RANBP17: variants seen among roughly 807,000 people sequenced by gnomAD.
RANBP17 encodes ran-binding protein 17.
In RANBP17, 158 loss-of-function variants were observed where a neutral mutation model predicts 141.2. That is an observed-to-expected ratio of 1.12 (90% CI 0.98 to 1.28). The LOEUF is 1.28. Among genes scored for constraint, RANBP17 ranks in the 50% most tolerant of loss-of-function variants. RANBP17 has a pLI of 0.00. For synonymous variants in RANBP17, 430 were observed against 450.0 expected (o/e 0.96, Z 0.56); for missense variants, 1,438 against 1,290.7 (o/e 1.11, Z -1.75).
At chr5:171,011,470 A>G (rs1780028844) in intron 14 of RANBP17, among the ~76,000 whole-genome samples, 1 of 151,890 alleles carries the variant, frequency 6.6e-6, no homozygotes, top group African/African-American at 2.4e-5. Flanking sequence ...CATGATAATT[A>G]TGGAAAATTA....
chr5:171,192,629 C>T (rs957468236), intron 18 of RANBP17, among the ~76,000 whole-genome samples: 43 of 152,090 alleles, frequency 2.8e-4, no homozygotes, highest in Non-Finnish European at 5.9e-4. Context: ...ATAAAAAGGC[C>T]TAGAGCAATT....
intron 14 of RANBP17, among the ~76,000 whole-genome samples, chr5:170,985,668 A>C (rs1378893927): frequency 6.6e-6 from 1 of 152,182 alleles, no homozygotes; most frequent in Non-Finnish European, 1.5e-5. Flanking sequence ...CTTTCTTTCC[A>C]GTACCTTTCA....
intron 19 of RANBP17, 128 bp downstream of exon 19, chr5:171,199,901 TTTAA>T: frequency 2.1e-6 from 1 of 486,958 alleles, no homozygotes; most frequent in Non-Finnish European, 3.7e-6. Context: ...ATTGCATGTC[TTTAA>T]TTTTTACTTT....
rs527936070 is a variant in RANBP17, at chr5:171,148,152, G to A, written c.1711-21978G>A. ...ACTCAGGGTTAAATGGATTAAGGGC[G>A]GTGCAAGATGTGCTTTGTTAAACAG... On this transcript the variant is annotated intron_variant, in intron 14 of 27. Coordinates refer to ENST00000523189, the MANE Select transcript of RANBP17 (RefSeq NM_022897.5). Among the ~76,000 whole-genome samples the A allele has an allele frequency of 3.3e-5, 5 of 152,056 alleles. No individual in the cohort carries two copies. The South Asian group carries it at 6.2e-4, about 19-fold the overall frequency.
In RANBP17 at chr5:170,980,766, C is replaced by A. The variant is rs1049824986; in HGVS notation, c.1710+12389C>A. On this transcript the variant is annotated intron_variant, in intron 14 of 27. Transcript: ENST00000523189. ...ATGGAGAACCTCTGCTAAGGCAGTG[C>A]GGAAGGGAAATGTGGGGTTGGAGCC... 2.0e-5 allele frequency among the ~76,000 whole-genome samples: 3 copies of A among 152,168 alleles called. No homozygotes were observed. The South Asian group carries it at 6.2e-4, about 31-fold the overall frequency.
At chr5:170,896,239 G>GT (rs1398484994) in intron 5 of RANBP17, 124 bp downstream of exon 5, 1 of 643,008 alleles carries the variant, frequency 1.6e-6, no homozygotes, top group African/African-American at 1.9e-5. Context: ...GAATAATCAA[G>GT]TTTTTTGTGT....
intron 14 of RANBP17, among the ~76,000 whole-genome samples, chr5:171,105,985 G>A (rs114388629): frequency 4.7e-4 from 71 of 152,288 alleles, no homozygotes; most frequent in African/African-American, 1.6e-3. Flanking sequence ...GGGGTAAATT[G>A]TTCTACACAT....
intron 12 of RANBP17, among the ~76,000 whole-genome samples, chr5:170,951,533 A>G (rs985213436): frequency 4.6e-5 from 7 of 152,160 alleles, no homozygotes; most frequent in Non-Finnish European, 2.9e-5. Context: ...TGAATTGCCC[A>G]GAATGGGAAA....
intron 18 of RANBP17, among the ~76,000 whole-genome samples, chr5:171,192,770 T>G (rs1019522641): frequency 6.6e-6 from 1 of 152,196 alleles, no homozygotes; most frequent in African/African-American, 2.4e-5. Flanking sequence ...CTACTCTGCC[T>G]TCAATATTTA....
At chr5:170,880,210 T>C (rs1768542066) in intron 2 of RANBP17, among the ~76,000 whole-genome samples, 1 of 152,224 alleles carries the variant, frequency 6.6e-6, no homozygotes, top group Admixed American at 6.5e-5. Flanking sequence ...CACTCAGCAT[T>C]GACTTCTAGA....
chr5:171,234,700 TAGAA>T (rs1412804937), intron 22 of RANBP17, among the ~76,000 whole-genome samples: 1 of 152,118 alleles, frequency 6.6e-6, no homozygotes, highest in East Asian at 1.9e-4. Flanking sequence ...CACAAGCAAC[TAGAA>T]AGAAGTAGTT....
At chr5:171,155,296 A>T (rs1581752867) in intron 14 of RANBP17, among the ~76,000 whole-genome samples, 1 of 151,738 alleles carries the variant, frequency 6.6e-6, no homozygotes, top group Non-Finnish European at 1.5e-5. Context: ...ATAAAATTTT[A>T]TGAATGAGAT....
rs750957944 is a variant in RANBP17, at chr5:170,968,240, A to AG, written c.1575-1dup. 1 of 1,550,190 alleles carries AG rather than the reference A, an allele frequency of 6.5e-7. No individual in the cohort carries two copies. The highest frequency in any genetic ancestry group is 2.4e-5 in the Admixed American group (1 of 41,994). On this transcript the variant is annotated splice_acceptor_variant, in intron 13 of 27. Coordinates refer to ENST00000523189, the MANE Select transcript of RANBP17 (RefSeq NM_022897.5). LOFTEE classifies it high-confidence loss of function. ...TTTTTTTTTTATTTTCCCTTCATGA[A>AG]GAGTTTTTCAGCTTATATCTTTAAT...
At chr5:171,161,342 TG>T (rs1759338909) in intron 14 of RANBP17, 1 of 184,554 alleles carries the variant, frequency 5.4e-6, no homozygotes, top group Non-Finnish European at 1.2e-5. Context: ...TATTTGAGAT[TG>T]GGGAGGCCTT....
At chr5:170,895,948 T>C in intron 4 of RANBP17, 102 bp from the exon 5 acceptor site, 1 of 528,576 alleles carries the variant, frequency 1.9e-6, no homozygotes, top group Non-Finnish European at 3.3e-6. Context: ...TGAGTAAATG[T>C]GGTGTTTCAG....
intron 14 of RANBP17, among the ~76,000 whole-genome samples, chr5:171,046,686 G>A (rs1276374634): frequency 6.6e-6 from 1 of 151,810 alleles, no homozygotes; most frequent in African/African-American, 2.4e-5. Flanking sequence ...AAAAGCAGTT[G>A]CTGGATGAAA....
intron 14 of RANBP17, among the ~76,000 whole-genome samples, chr5:171,105,448 A>G (rs923519922): frequency 2.5e-4 from 38 of 151,238 alleles, no homozygotes; most frequent in Admixed American, 4.6e-4. Context: ...TGTAATCCCC[A>G]ACACTTTGGG....
chr5:171,035,453 AT>A (rs1781809760), intron 14 of RANBP17, among the ~76,000 whole-genome samples: 1 of 151,978 alleles, frequency 6.6e-6, no homozygotes, highest in African/African-American at 2.4e-5. Context: ...TTCTTAATAT[AT>A]TGGATATGAC....
chr5:171,243,952 C>T (rs1260545396), intron 24 of RANBP17, among the ~76,000 whole-genome samples: 1 of 151,914 alleles, frequency 6.6e-6, no homozygotes, highest in African/African-American at 2.4e-5. Context: ...ATGGTGGGCG[C>T]ATATAATCCC....
Sources: gnomAD v4.1 joint callset for allele counts (sites outside exome capture counted in the v4.1 genomes callset) on GRCh38, gnomAD v4.1.1 for gene constraint, MANE v1.5 for transcripts, NCBI Gene and HGNC (gene_info 2026-07-23, HGNC 2026-07-21) for gene names.